Variants in SEL1L observed in about 807,000 individuals in gnomAD.
The protein encoded by SEL1L is SEL1L adaptor subunit of SYVN1 ubiquitin ligase.
SEL1L carries 52 observed loss-of-function variants against 109.8 expected under a neutral mutation model. The ratio of observed to expected loss-of-function variants is 0.47; its 90% CI spans 0.38 to 0.60. SEL1L has a LOEUF of 0.60. Ranked by LOEUF, SEL1L falls within the 20% of genes least tolerant of loss-of-function variation. The pLI, the probability that SEL1L is intolerant of heterozygous loss-of-function variation, is 0.00. For missense variants in SEL1L, 749 were observed against 962.2 expected (o/e 0.78, Z 2.93); for synonymous variants, 373 against 339.6 (o/e 1.10, Z -1.08).
chr14:81,519,419 G>C (rs79432800), intron 3 of SEL1L, among the ~76,000 whole-genome samples: 4,305 of 152,274 alleles, frequency 0.028, 194 homozygotes, highest in African/African-American at 0.099. Flanking sequence ...GTGTGGTCTT[G>C]GGGTTCCCCA....
intron 1 of SEL1L, among the ~76,000 whole-genome samples, chr14:81,531,899 C>T (rs188307222): frequency 6.6e-6 from 1 of 152,308 alleles, no homozygotes; most frequent in East Asian, 1.9e-4. Flanking sequence ...TACCTTTTAG[C>T]ATGCACATCT....
intron 14 of SEL1L, chr14:81,488,984 C>T (rs139917717): frequency 1.6e-4 from 73 of 458,692 alleles, no homozygotes; most frequent in African/African-American, 1.1e-3. Flanking sequence ...GGTTAGAGGA[C>T]GTGGGGTAGA....
rs570243777 is a variant in SEL1L at position 81,500,381 on chromosome 14, C to T, written c.778-719G>A. ...CCCGAGTAGTTGGGATTACAGGTGCCGCCACCATGCCCAGCTAATTTCCTT... is the reference window on the plus strand; with the variant it reads ...CCCGAGTAGTTGGGATTACAGGTGCTGCCACCATGCCCAGCTAATTTCCTT... On this transcript the variant is annotated intron_variant, in intron 6 of 20. Transcript: ENST00000336735. 3.3e-5 allele frequency among the ~76,000 whole-genome samples: 5 copies of T among 151,962 alleles called. No individual in the cohort carries two copies. The East Asian group carries it at 7.8e-4, about 24-fold the overall frequency.
At position 81,495,059 on chromosome 14, in the gene SEL1L, G is replaced by A. The variant is rs140494504; in HGVS notation, c.1185+22C>T. ...TTTCCTGCTAAAACTGAGATGCAAA[G>A]CCCTAGGAACAGGGTAGTTACCTGA... On this transcript the variant is annotated intron_variant, in intron 11 of 20. Coordinates refer to ENST00000336735, the MANE Select transcript of SEL1L (RefSeq NM_005065.6). The A allele has an allele frequency of 2.8e-3, 4,589 of 1,610,448 alleles. 8 individuals carry two copies. The highest frequency in any genetic ancestry group is 3.7e-3 in the Non-Finnish European group (4,320 of 1,177,354).
rs555548287 is a variant in SEL1L, at chr14:81,473,069, C to CAA, written c.*3901_*3902dup. 1 of 152,516 alleles carries CAA rather than the reference C, an allele frequency of 6.6e-6. No homozygotes were observed. 9.4% of individuals were successfully genotyped at this position (152,516 alleles called of 1,614,324 possible). A position where few individuals can be genotyped will look rare whatever the true frequency, so the allele number is the denominator to read the frequency against. The stretch of plus-strand genomic sequence containing the variant: ...TTTCATTAAATACAAAATACATTTA[C>CAA]AAAAAGAGTCTACCATGGTGTTCCT... On this transcript the variant is annotated 3_prime_UTR_variant, in exon 21 of 21. Transcript: ENST00000336735.
intron 3 of SEL1L, among the ~76,000 whole-genome samples, chr14:81,525,768 T>TTAGCTTATGACATG (rs1885087284): frequency 6.6e-6 from 1 of 152,150 alleles, no homozygotes; most frequent in Admixed American, 6.5e-5. Flanking sequence ...ACTATCAAAT[T>TTAGCTTATGACATG]GAAAATAAGC....
At chr14:81,520,585 T>C (rs999855704) in intron 3 of SEL1L, among the ~76,000 whole-genome samples, 3 of 152,220 alleles carry the variant, frequency 2.0e-5, no homozygotes, top group Non-Finnish European at 4.4e-5. Context: ...AGCAGACCTG[T>C]AGTCTGTTCT....
chr14:81,521,806 T>G lies in SEL1L; in HGVS notation c.340+4927A>C, dbSNP rs566672664. 9.9e-5 allele frequency among the ~76,000 whole-genome samples: 15 copies of G among 152,204 alleles called. No individual in the cohort carries two copies. In the East Asian group the frequency reaches 2.9e-3, roughly 29 times the overall value. ...TACTCCTACTTATTAAAAAAAAAAG[T>G]TAACTGTAAAACAGCATTAGGTGTG... On this transcript the variant is annotated intron_variant, in intron 3 of 20. Transcript: ENST00000336735.
In SEL1L at chr14:81,473,859, G is replaced by C. The variant is rs1469132162; in HGVS notation, c.*3113C>G. 1 of 151,772 alleles carries C rather than the reference G, an allele frequency of 6.6e-6. No individual in the cohort carries two copies. The highest frequency in any genetic ancestry group is 1.5e-5 in the Non-Finnish European group (1 of 67,928). 9.4% of individuals were successfully genotyped at this position (151,772 alleles called of 1,614,324 possible). Reference sequence around the variant, plus strand: ...GAACATGAGGATAAAAGAAGGGAGAGAAAGACAAAGCAAAATAAAAAAAAA... The same window carrying C: ...GAACATGAGGATAAAAGAAGGGAGACAAAGACAAAGCAAAATAAAAAAAAA... On this transcript the variant is annotated 3_prime_UTR_variant, in exon 21 of 21. Transcript: ENST00000336735.
chr14:81,505,091 C>T lies in SEL1L; in HGVS notation c.509-785G>A, dbSNP rs200767440. ...TCAGCTAAAATAAGGTCAAGACATA[C>T]GAACACAGTAGTCAGAAAAATACTG... On this transcript the variant is annotated intron_variant, in intron 4 of 20. Coordinates refer to ENST00000336735, the MANE Select transcript of SEL1L (RefSeq NM_005065.6). Among the ~76,000 whole-genome samples, 44 of 152,168 alleles carry T rather than the reference C, an allele frequency of 2.9e-4. No individual in the cohort carries two copies. The South Asian group carries it at 3.9e-3, about 14-fold the overall frequency.
chr14:81,499,309 C>T lies in SEL1L; in HGVS notation c.891+150G>A. On this transcript the variant is annotated intron_variant, in intron 8 of 20. Coordinates refer to ENST00000336735, the MANE Select transcript of SEL1L (RefSeq NM_005065.6). ...TACATGTAGATTCCATGTGTTATATCCATTAACAAGAATTTGAAGGAAGTT... is the reference window on the plus strand; with the variant it reads ...TACATGTAGATTCCATGTGTTATATTCATTAACAAGAATTTGAAGGAAGTT... The T allele has an allele frequency of 2.1e-6, 3 of 1,400,112 alleles. No individual in the cohort carries two copies. In the African/African-American group the frequency reaches 4.4e-5, roughly 20 times the overall value. The allele number at this position is 1,400,112 out of a possible 1,614,324, so 86.7% of individuals were successfully genotyped here. A position where few individuals can be genotyped will look rare whatever the true frequency, so the allele number is the denominator to read the frequency against.
chr14:81,514,546 G>A (rs1884621039), intron 3 of SEL1L, among the ~76,000 whole-genome samples: 1 of 152,190 alleles, frequency 6.6e-6, no homozygotes, highest in South Asian at 2.1e-4. Context: ...TTTTGAGAAT[G>A]CGTTGGTAAG....
chr14:81,485,723 T>C lies in SEL1L; in HGVS notation c.1822A>G (p.Asn608Asp), dbSNP rs373600151. The change falls in exon 18 of 21, where the codon AAT (asparagine) becomes GAT (aspartate). Residue 608 changes from asparagine (N) to aspartate (D), a missense_variant. Physicochemically the swap from Asn to Asp is conservative, Grantham distance 23 (BLOSUM62 1). Around this residue, in one of 2 missense-constraint regions of SEL1L, gnomAD observed 383 missense variants for 562.5 expected, o/e 0.68. Transcript: ENST00000336735. ...AGCAAAGCTCTGGGATAAGTTTCAT[T>C]CTCACCTACAATGCTTGCTTCTCCT... is the stretch of plus-strand genomic sequence containing the variant. Reference protein sequence around the residue: ...DQREASIVGENETYPRALLHW... With the variant: ...DQREASIVGEDETYPRALLHW... 7.4e-6 allele frequency: 12 copies of C among 1,614,024 alleles called. No homozygotes were observed. In the East Asian group the frequency reaches 1.6e-4, roughly 21 times the overall value.
intron 13 of SEL1L, among the ~76,000 whole-genome samples, chr14:81,489,909 A>C (rs1215999198): frequency 6.6e-6 from 1 of 152,216 alleles, no homozygotes; most frequent in East Asian, 1.9e-4. Context: ...GGAAGCATTC[A>C]AGTGACATCT....
chr14:81,477,565 C>A (rs1307037757), intron 20 of SEL1L, among the ~76,000 whole-genome samples: 1 of 152,148 alleles, frequency 6.6e-6, no homozygotes, highest in East Asian at 1.9e-4. Flanking sequence ...GTAATCCCAG[C>A]ACTTTGGGAG....
At chr14:81,493,836 C>T (rs1883637618) in intron 11 of SEL1L, among the ~76,000 whole-genome samples, 1 of 152,198 alleles carries the variant, frequency 6.6e-6, no homozygotes, top group African/African-American at 2.4e-5. Context: ...GCTTCCTTCT[C>T]GACAGACTCT....
Position 81,486,428 on chromosome 14 carries a change from G to A in SEL1L, c.1659C>T (p.Gly553=). The A allele has an allele frequency of 6.2e-7, 1 of 1,613,932 alleles. No individual in the cohort carries two copies. Residue 553 remains glycine, a synonymous_variant, in exon 17 of 21, where the codon GGC becomes GGT. Coordinates refer to ENST00000336735, the MANE Select transcript of SEL1L (RefSeq NM_005065.6). The stretch of plus-strand genomic sequence containing the variant: ...CAGTCATAAGCCTTTCAGACCAACG[G>A]CCTCGTTCACATACATTCTTAAACA... ...VELFKNVCER[G]RWSERLMTAY...
intron 1 of SEL1L, among the ~76,000 whole-genome samples, chr14:81,528,186 T>C (rs1279366114): frequency 6.6e-6 from 1 of 152,194 alleles, no homozygotes; most frequent in African/African-American, 2.4e-5. Context: ...TTAGTGCTCA[T>C]TAGTATTTGT....
At chr14:81,521,696 C>T (rs146025009) in intron 3 of SEL1L, among the ~76,000 whole-genome samples, 111 of 152,246 alleles carry the variant, frequency 7.3e-4, no homozygotes, top group Non-Finnish European at 1.1e-3. Context: ...CAATTACGTA[C>T]GGTACATAAC....
Sources: allele counts gnomAD v4.1 joint callset (sites outside exome capture counted in the v4.1 genomes callset), GRCh38; gene constraint gnomAD v4.1.1; regional missense constraint gnomAD v4.1.1; transcripts MANE v1.5; gene names NCBI Gene and HGNC (gene_info 2026-07-23, HGNC 2026-07-21).